KIF16B: variants seen among roughly 807,000 people sequenced by gnomAD.
KIF16B encodes the protein kinesin family member 16B.
KIF16B carries 98 observed loss-of-function variants against 156.3 expected under a neutral mutation model. That is an observed-to-expected ratio of 0.63 (90% CI 0.53 to 0.74). The LOEUF (loss-of-function observed/expected upper bound fraction) is 0.74. Among genes scored for constraint, KIF16B ranks in the 30% least tolerant of loss-of-function variants. The pLI, the probability that KIF16B is intolerant of heterozygous loss-of-function variation, is 0.00. For missense variants in KIF16B, 1,421 were observed against 1,606.5 expected (o/e 0.88, Z 1.97); for synonymous variants, 564 against 583.7 (o/e 0.97, Z 0.49).
intron 1 of KIF16B, among the ~76,000 whole-genome samples, chr20:16,546,671 T>C (rs1292511167): frequency 6.6e-6 from 1 of 152,218 alleles, no homozygotes; most frequent in Non-Finnish European, 1.5e-5. Context: ...TCAAAAGCTT[T>C]GTTCATGAAA....
rs934622837 is a variant in KIF16B, at chr20:16,367,123, G to A, written c.3498+3463C>T. Reference sequence around the variant, plus strand: ...TATTAATGATCTCAAAAAACATGTAGTGCATCTTTAAAAGTCTCCTCCTTA... The same window carrying A: ...TATTAATGATCTCAAAAAACATGTAATGCATCTTTAAAAGTCTCCTCCTTA... On this transcript the variant is annotated intron_variant, in intron 22 of 25. Transcript: ENST00000354981. The A allele has an allele frequency of 8.5e-6, 13 of 1,536,950 alleles. No homozygotes were observed. The African/African-American group carries it at 1.4e-4, about 16-fold the overall frequency.
chr20:16,361,720 T>G (rs531617546), intron 22 of KIF16B, among the ~76,000 whole-genome samples: 4 of 152,330 alleles, frequency 2.6e-5, no homozygotes, highest in Admixed American at 6.5e-5. Context: ...GGCAAACTGT[T>G]GGACATTGGT....
At chr20:16,286,208 C>T (rs1245690510) in intron 25 of KIF16B, among the ~76,000 whole-genome samples, 1 of 152,226 alleles carries the variant, frequency 6.6e-6, no homozygotes, top group East Asian at 1.9e-4. Context: ...ACAAATAGCA[C>T]TGTAATAAAC....
At chr20:16,306,164 G>C (rs1267151891) in intron 25 of KIF16B, among the ~76,000 whole-genome samples, 1 of 152,100 alleles carries the variant, frequency 6.6e-6, no homozygotes. Flanking sequence ...GGTTCACATG[G>C]TTCTTCCTTG....
chr20:16,523,920 G>A (rs1222687927), intron 3 of KIF16B, among the ~76,000 whole-genome samples: 1 of 152,128 alleles, frequency 6.6e-6, no homozygotes, highest in Non-Finnish European at 1.5e-5. Flanking sequence ...AACAAGCAAT[G>A]GGGAAAGGAT....
At chr20:16,550,955 C>T (rs2070627468) in intron 1 of KIF16B, among the ~76,000 whole-genome samples, 1 of 152,130 alleles carries the variant, frequency 6.6e-6, no homozygotes, top group Non-Finnish European at 1.5e-5. Flanking sequence ...CCTGGATTTC[C>T]CACTTCTCTC....
chr20:16,530,893 G>A (rs2069724198), intron 1 of KIF16B, among the ~76,000 whole-genome samples: 1 of 152,050 alleles, frequency 6.6e-6, no homozygotes, highest in Non-Finnish European at 1.5e-5. Context: ...TAGAGATGGA[G>A]TTTTGCTGTG....
intron 1 of KIF16B, among the ~76,000 whole-genome samples, chr20:16,554,038 C>A (rs960237754): frequency 5.3e-4 from 81 of 152,184 alleles, no homozygotes; most frequent in African/African-American, 1.7e-3. Flanking sequence ...CTGCAGGCAC[C>A]CCTTGGCATG....
At chr20:16,411,764 G>A (rs983337342) in intron 15 of KIF16B, among the ~76,000 whole-genome samples, 1 of 151,926 alleles carries the variant, frequency 6.6e-6, no homozygotes, top group African/African-American at 2.4e-5. Context: ...GGACTAGGGG[G>A]GCCTCTTTTC....
intron 17 of KIF16B, among the ~76,000 whole-genome samples, chr20:16,391,385 C>G (rs1018361241): frequency 2.0e-5 from 3 of 152,138 alleles, no homozygotes; most frequent in African/African-American, 7.2e-5. Context: ...TTCACCTGGT[C>G]AACATGCCAG....
intron 1 of KIF16B, among the ~76,000 whole-genome samples, chr20:16,553,942 C>G (rs2070756118): frequency 6.6e-6 from 1 of 152,238 alleles, no homozygotes; most frequent in African/African-American, 2.4e-5. Flanking sequence ...TGCCAGTCCA[C>G]AGCCACTTCA....
At chr20:16,388,579 G>C (rs572599133) in intron 17 of KIF16B, among the ~76,000 whole-genome samples, 1 of 151,984 alleles carries the variant, frequency 6.6e-6, no homozygotes, top group Admixed American at 6.5e-5. Flanking sequence ...ACACTTGGAA[G>C]TATACTTACT....
At chr20:16,420,578 A>T (rs2066201201) in intron 15 of KIF16B, among the ~76,000 whole-genome samples, 1 of 152,132 alleles carries the variant, frequency 6.6e-6, no homozygotes, top group Non-Finnish European at 1.5e-5. Flanking sequence ...AATCCAGTCA[A>T]TTGTGGAGTT....
intron 15 of KIF16B, among the ~76,000 whole-genome samples, chr20:16,411,804 T>C (rs1052249835): frequency 2.0e-5 from 3 of 151,996 alleles, no homozygotes; most frequent in African/African-American, 7.2e-5. Context: ...ACTGTGTGTG[T>C]GGTGGACCTA....
intron 23 of KIF16B, among the ~76,000 whole-genome samples, chr20:16,345,189 T>C (rs745322048): frequency 3.3e-5 from 5 of 152,256 alleles, no homozygotes; most frequent in South Asian, 2.1e-4. Flanking sequence ...ATTGGCTCCA[T>C]GCTGCTCAAT....
intron 3 of KIF16B, among the ~76,000 whole-genome samples, chr20:16,520,228 T>C (rs991818192): frequency 7.2e-5 from 11 of 151,936 alleles, no homozygotes; most frequent in African/African-American, 2.7e-4. Context: ...CCAAGTGGTC[T>C]AGCTCAGCAA....
At position 16,346,619 on chromosome 20, in the gene KIF16B, C is replaced by G. The variant is rs1409614268; in HGVS notation, c.3621+9711G>C. On this transcript the variant is annotated intron_variant, in intron 23 of 25. Transcript: ENST00000354981. ...GCAATAACCAGAAATAATGACTTCC[C>G]GATGCTTTAACTTCAGCATCTTCAA... 3.9e-5 allele frequency among the ~76,000 whole-genome samples: 6 copies of G among 152,292 alleles called. No homozygotes were observed. In the South Asian group the frequency reaches 1.2e-3, roughly 32 times the overall value.
chr20:16,273,378 G>A lies in KIF16B; in HGVS notation c.3829C>T (p.Gln1277Ter). Residue 1277 changes from glutamine (Q) to a stop codon, truncating the protein, a stop_gained, in exon 26 of 26, where the codon CAG becomes TAG. Coordinates refer to ENST00000354981, the MANE Select transcript of KIF16B (RefSeq NM_024704.5). LOFTEE classifies it high-confidence loss of function. The part of the protein sequence containing the change: ...YLRDFFSVML[Q>*]SATSPLHINK... ...ATGTGGAGGGGAGATGTTGCGGACT[G>A]GAGCATCACGCTGAAAAAGTCCCTG... The A allele has an allele frequency of 1.2e-6, 2 of 1,614,074 alleles. No homozygotes were observed. Among genetic ancestry groups the A allele is most frequent in the Non-Finnish European group, 1.7e-6 (2 of 1,179,952 alleles).
chr20:16,508,765 T>C (rs1290682483), intron 6 of KIF16B, among the ~76,000 whole-genome samples: 1 of 152,180 alleles, frequency 6.6e-6, no homozygotes, highest in African/African-American at 2.4e-5. Context: ...GGTTAGCTAT[T>C]ATATTATCAT....
Sources: allele counts gnomAD v4.1 joint callset (sites outside exome capture counted in the v4.1 genomes callset), GRCh38; gene constraint gnomAD v4.1.1; transcripts MANE v1.5; gene names NCBI Gene and HGNC (gene_info 2026-07-23, HGNC 2026-07-21).